Variants in BLK observed in about 807,000 individuals in gnomAD.
BLK encodes tyrosine-protein kinase Blk.
Under a neutral mutation model 61.8 loss-of-function variants are expected in BLK, and 64 were observed. That is an observed-to-expected ratio of 1.03 (90% CI 0.85 to 1.27). The LOEUF (loss-of-function observed/expected upper bound fraction) is 1.27. BLK is among the 50% of genes most tolerant of loss of function. The pLI is 0.00. For missense variants in BLK, 853 were observed against 660.5 expected (o/e 1.29, Z -3.19); for synonymous variants, 351 against 272.0 (o/e 1.29, Z -2.86).
rs189019363 is a variant in BLK, at chr8:11,512,989, T to C, written c.-2+18398T>C. On this transcript the variant is annotated intron_variant, in intron 1 of 12. Coordinates refer to ENST00000259089, the MANE Select transcript of BLK (RefSeq NM_001715.3). ...GTCAGATTATTCAATTTTAAGGTCT[T>C]ACGGGCCACATAACATGATTGCCTT... Among the ~76,000 whole-genome samples, 8 of 152,352 alleles carry C rather than the reference T, an allele frequency of 5.3e-5. No homozygotes were observed. In the East Asian group the frequency reaches 1.2e-3, roughly 22 times the overall value.
chr8:11,548,944 C>G (rs1248892832), intron 4 of BLK, 80 bp from the exon 5 acceptor site: 3 of 1,296,398 alleles, frequency 2.3e-6, no homozygotes, highest in Non-Finnish European at 3.3e-6. Context: ...GGAGAGATGA[C>G]TTTGAGGAGG....
At chr8:11,542,773 A>G (rs1375546066) in intron 1 of BLK, among the ~76,000 whole-genome samples, 4 of 152,228 alleles carry the variant, frequency 2.6e-5, no homozygotes, top group Non-Finnish European at 2.9e-5. Context: ...TCATCTTCTA[A>G]CAAAGCCCCT....
chr8:11,539,106 A>C (rs1352529754), intron 1 of BLK, among the ~76,000 whole-genome samples: 1 of 151,532 alleles, frequency 6.6e-6, no homozygotes, highest in Non-Finnish European at 1.5e-5. Flanking sequence ...GCCTTACACC[A>C]CACCTCTGTT....
intron 2 of BLK, among the ~76,000 whole-genome samples, chr8:11,545,416 G>A (rs772481577): frequency 1.1e-4 from 17 of 152,184 alleles, no homozygotes; most frequent in Non-Finnish European, 2.1e-4. Flanking sequence ...GGGCGTGATG[G>A]CGGGCACCTG....
intron 2 of BLK, among the ~76,000 whole-genome samples, chr8:11,543,608 G>A (rs947132628): frequency 5.9e-5 from 9 of 152,178 alleles, no homozygotes; most frequent in Non-Finnish European, 8.8e-5. Flanking sequence ...TGGGGAGAGG[G>A]TGTCGTAAGG....
At chr8:11,561,536 C>G in intron 11 of BLK, 84 bp downstream of exon 11, 1 of 1,535,062 alleles carries the variant, frequency 6.5e-7, no homozygotes, top group Non-Finnish European at 8.9e-7. Context: ...TCTCCCAGCA[C>G]AGCCCTGAGG....
Position 11,550,225 on chromosome 8 carries a change from C to G in BLK, c.435C>G (p.Ala145=). 1 of 1,614,066 alleles carries G rather than the reference C, an allele frequency of 6.2e-7. No homozygotes were observed. The highest frequency in any genetic ancestry group is 8.5e-7 in the Non-Finnish European group (1 of 1,180,032). The part of the protein sequence containing the change: ...ERQLLAPINK[A]GSFLIRESET... ...AGCTTCTTGCTCCAATCAACAAGGC[C>G]GGCTCCTTTCTTATCAGAGAGAGTG... The change falls in exon 6 of 13, where the codon GCC becomes GCG. Residue 145 remains alanine (A), a synonymous_variant. Transcript: ENST00000259089.
intron 3 of BLK, among the ~76,000 whole-genome samples, chr8:11,547,621 G>T (rs556338612): frequency 6.6e-6 from 1 of 152,232 alleles, no homozygotes; most frequent in Non-Finnish European, 1.5e-5. Flanking sequence ...AGAGGCAGGC[G>T]GGGCAGAGGA....
At chr8:11,503,404 G>A (rs2117252139) in intron 1 of BLK, among the ~76,000 whole-genome samples, 1 of 152,210 alleles carries the variant, frequency 6.6e-6, no homozygotes, top group South Asian at 2.1e-4. Context: ...AAGATCTGGG[G>A]GTGCTGGCAC....
At chr8:11,556,497 C>G (rs1801231277) in intron 8 of BLK, 161 bp from the exon 9 acceptor site, 3 of 834,842 alleles carry the variant, frequency 3.6e-6, no homozygotes, top group South Asian at 2.9e-5. Context: ...ACCTGGAACG[C>G]AAGGTAGGCA....
rs1236178844 is a variant in BLK at position 11,510,816 on chromosome 8, A to AATAC, written c.-2+16229_-2+16232dup. ...AAATAAATAAATAAATAAATAAATA[A>AATAC]ATACATAAATAAAGTGCCTCTTTGT... On this transcript the variant is annotated intron_variant, in intron 1 of 12. Transcript: ENST00000259089. Among the ~76,000 whole-genome samples, 341 of 128,472 alleles carry AATAC rather than the reference A, an allele frequency of 2.7e-3. 1 individual carries two copies. The highest frequency in any genetic ancestry group is 5.4e-3 in the African/African-American group (195 of 36,242). 84.3% of individuals were successfully genotyped at this position (128,472 alleles called of 152,430 possible).
At chr8:11,560,749 A>C (rs1374045100) in intron 10 of BLK, 1 of 421,326 alleles carries the variant, frequency 2.4e-6, no homozygotes. Flanking sequence ...TCTTGGTCAC[A>C]AATCAACCTC....
intron 3 of BLK, among the ~76,000 whole-genome samples, chr8:11,547,772 G>C (rs1008154688): frequency 1.3e-5 from 2 of 152,198 alleles, no homozygotes; most frequent in Admixed American, 1.3e-4. Context: ...CTGACCTCTG[G>C]CCATCAGCTT....
At position 11,547,732 on chromosome 8, in the gene BLK, A is replaced by G. The variant is rs1037161148; in HGVS notation, c.176-300A>G. Among the ~76,000 whole-genome samples, 11 of 152,012 alleles carry G rather than the reference A, an allele frequency of 7.2e-5. 1 individual carries two copies. Among genetic ancestry groups the G allele is most frequent in the Non-Finnish European group, 1.5e-5 (1 of 67,972 alleles). On this transcript the variant is annotated intron_variant, in intron 3 of 12. Coordinates refer to ENST00000259089, the MANE Select transcript of BLK (RefSeq NM_001715.3). ...GTCCGAATGTGGGCCTGAGGCCACC[A>G]GCAGCCCGGCAGTGGCTGCCTCCCT...
At chr8:11,553,886 A>C (rs1002882390) in intron 6 of BLK, among the ~76,000 whole-genome samples, 1 of 152,248 alleles carries the variant, frequency 6.6e-6, no homozygotes, top group Admixed American at 6.5e-5. Flanking sequence ...GACCGCGGAA[A>C]ACCAAGCGTC....
chr8:11,523,973 A>C lies in BLK; in HGVS notation c.-1-19251A>C, dbSNP rs185810707. ...AGCTTCATAGATCAAGATCTTTAAAAATGTGCATATTCTTAAACACCATAA... is the reference window on the plus strand; with the variant it reads ...AGCTTCATAGATCAAGATCTTTAAACATGTGCATATTCTTAAACACCATAA... On this transcript the variant is annotated intron_variant, in intron 1 of 12. Transcript: ENST00000259089. Among the ~76,000 whole-genome samples, 60 of 152,320 alleles carry C rather than the reference A, an allele frequency of 3.9e-4. 2 individuals carry two copies. Among genetic ancestry groups the C allele is most frequent in the East Asian group, 2.9e-3 (15 of 5,188 alleles).
Position 11,564,570 on chromosome 8 carries a change from C to A in BLK, c.*462C>A. On this transcript the variant is annotated 3_prime_UTR_variant, in exon 13 of 13. Coordinates refer to ENST00000259089, the MANE Select transcript of BLK (RefSeq NM_001715.3). Reference sequence around the variant, plus strand: ...TAGGCTGCGCTCCAGCACTGCGGGGCTTTTCTGCAATAAAGTCACGAGCGT... The same window carrying A: ...TAGGCTGCGCTCCAGCACTGCGGGGATTTTCTGCAATAAAGTCACGAGCGT... 2.3e-6 allele frequency: 1 copy of A among 437,696 alleles called. No individual in the cohort carries two copies. 27.1% of individuals were successfully genotyped at this position (437,696 alleles called of 1,614,324 possible). A position where few individuals can be genotyped will look rare whatever the true frequency, so the allele number is the denominator to read the frequency against.
intron 1 of BLK, among the ~76,000 whole-genome samples, chr8:11,533,797 C>T (rs1585371822): frequency 2.6e-5 from 4 of 152,312 alleles, no homozygotes; most frequent in Admixed American, 2.6e-4. Flanking sequence ...TTATTTCCCT[C>T]TGTCAAAAAG....
intron 2 of BLK, chr8:11,545,845 A>G: frequency 1.5e-6 from 1 of 653,268 alleles, no homozygotes; most frequent in South Asian, 1.7e-5. Flanking sequence ...CGGTCAGGGC[A>G]AAGGCAGCAG....
Sources: gnomAD v4.1 joint callset for allele counts (sites outside exome capture counted in the v4.1 genomes callset) on GRCh38, gnomAD v4.1.1 for gene constraint, MANE v1.5 for transcripts, NCBI Gene and HGNC (gene_info 2026-07-23, HGNC 2026-07-21) for gene names.